Variants in SGCZ observed in about 807,000 individuals in gnomAD.
The protein encoded by SGCZ is zeta-sarcoglycan.
A neutral mutation model predicts 41.3 loss-of-function variants in SGCZ; 40 were observed. The ratio of observed to expected loss-of-function variants is 0.97; its 90% CI spans 0.75 to 1.26. The LOEUF (loss-of-function observed/expected upper bound fraction) is 1.26, where lower values mean the gene tolerates loss of function less well. SGCZ is among the 50% of genes most tolerant of loss of function. The pLI is 0.00. For synonymous variants in SGCZ, 206 were observed against 137.5 expected (o/e 1.50, Z -3.49); for missense variants, 552 against 369.8 (o/e 1.49, Z -4.04).
intron 5 of SGCZ, among the ~76,000 whole-genome samples, chr8:14,160,016 T>C (rs114624549): frequency 0.018 from 2,693 of 152,252 alleles, 80 homozygotes; most frequent in African/African-American, 0.061. Context: ...AAAGGACTGA[T>C]AGTCTTGGCT....
At chr8:14,179,274 T>C (rs976475607) in intron 4 of SGCZ, among the ~76,000 whole-genome samples, 3 of 152,230 alleles carry the variant, frequency 2.0e-5, no homozygotes, top group African/African-American at 4.8e-5. Context: ...TGGTGCCCCC[T>C]GTACATGCAG....
At chr8:15,026,885 G>C (rs146688396) in intron 1 of SGCZ, among the ~76,000 whole-genome samples, 1 of 152,134 alleles carries the variant, frequency 6.6e-6, no homozygotes, top group Admixed American at 6.5e-5. Flanking sequence ...ATATTGAAGC[G>C]CTAACAGCAT....
rs894854938 is a variant in SGCZ, at chr8:14,237,776, A to T, written c.337-97T>A. 5.2e-6 allele frequency: 6 copies of T among 1,152,610 alleles called. No individual in the cohort carries two copies. The African/African-American group carries it at 9.4e-5, about 18-fold the overall frequency. The allele number at this position is 1,152,610 out of a possible 1,614,324, so 71.4% of individuals were successfully genotyped here. ...TTTGTTTGGATATTCTGAAAAATTT[A>T]ATTTGTTTGCTCTATATTAGACAGT... On this transcript the variant is annotated intron_variant, in intron 3 of 7. Transcript: ENST00000382080.
intron 1 of SGCZ, among the ~76,000 whole-genome samples, chr8:14,690,940 A>C (rs2117569835): frequency 6.6e-6 from 1 of 152,332 alleles, no homozygotes; most frequent in Admixed American, 6.5e-5. Flanking sequence ...CACTTACAGT[A>C]TTTCAGATTA....
intron 1 of SGCZ, among the ~76,000 whole-genome samples, chr8:14,887,112 T>C (rs1488472091): frequency 1.3e-5 from 2 of 152,168 alleles, no homozygotes; most frequent in African/African-American, 2.4e-5. Flanking sequence ...CACATCCTTA[T>C]GTTGGATATC....
intron 1 of SGCZ, among the ~76,000 whole-genome samples, chr8:14,952,473 C>T (rs1800671426): frequency 6.6e-6 from 1 of 152,096 alleles, no homozygotes; most frequent in African/African-American, 2.4e-5. Context: ...TAAAGTTTAG[C>T]TCTAGGTCCA....
chr8:14,975,709 A>G (rs1183544404), intron 1 of SGCZ, among the ~76,000 whole-genome samples: 1 of 151,806 alleles, frequency 6.6e-6, no homozygotes, highest in African/African-American at 2.4e-5. Flanking sequence ...TGATGATAAA[A>G]TGCTGTGTTT....
intron 4 of SGCZ, among the ~76,000 whole-genome samples, chr8:14,219,856 C>G (rs1458410746): frequency 1.3e-5 from 2 of 151,868 alleles, no homozygotes; most frequent in Non-Finnish European, 2.9e-5. Flanking sequence ...TCGAAAATTT[C>G]TTGTAGGGAA....
intron 1 of SGCZ, among the ~76,000 whole-genome samples, chr8:14,745,072 C>T (rs750963824): frequency 6.6e-6 from 1 of 152,154 alleles, no homozygotes; most frequent in South Asian, 2.1e-4. Context: ...ATTTCATCAA[C>T]AATTTTTCAT....
intron 6 of SGCZ, among the ~76,000 whole-genome samples, chr8:14,107,231 A>T (rs113015182): frequency 0.037 from 4,774 of 130,146 alleles, 266 homozygotes; most frequent in African/African-American, 0.13. Context: ...TAAAAATAAA[A>T]AAATAAATAA....
At chr8:15,065,415 A>ATTATT (rs1805095044) in intron 1 of SGCZ, among the ~76,000 whole-genome samples, 19 of 137,478 alleles carry the variant, frequency 1.4e-4, no homozygotes, top group African/African-American at 4.3e-4. Context: ...ATGGTATTGT[A>ATTATT]ATTATTATTA....
rs1427152403 is a variant in SGCZ at position 15,156,937 on chromosome 8, T to G, written c.39+80648A>C. Among the ~76,000 whole-genome samples, 4 of 136,630 alleles carry G rather than the reference T, an allele frequency of 2.9e-5. No homozygotes were observed. The Admixed American group carries it at 3.0e-4, about 10-fold the overall frequency. 89.6% of individuals were successfully genotyped at this position (136,630 alleles called of 152,430 possible). A position where few individuals can be genotyped will look rare whatever the true frequency, so the allele number is the denominator to read the frequency against. ...TCCGCCTGGGCAACAAGAGGGAAAC[T>G]CTGTCTCAAAAAAAAAAAAAAAGAA... On this transcript the variant is annotated intron_variant, in intron 1 of 7. Coordinates refer to ENST00000382080, the MANE Select transcript of SGCZ (RefSeq NM_139167.4).
chr8:14,639,931 T>C (rs543848101), intron 1 of SGCZ, among the ~76,000 whole-genome samples: 102 of 151,808 alleles, frequency 6.7e-4, no homozygotes, highest in South Asian at 4.8e-3. Context: ...CTTGATACTG[T>C]ATTAGAAATG....
At chr8:14,967,771 C>T (rs564919996) in intron 1 of SGCZ, among the ~76,000 whole-genome samples, 1 of 152,206 alleles carries the variant, frequency 6.6e-6, no homozygotes, top group East Asian at 1.9e-4. Flanking sequence ...TTTACTAGAA[C>T]AGCATTTGAA....
chr8:15,155,953 G>A (rs751652585), intron 1 of SGCZ, among the ~76,000 whole-genome samples: 4 of 151,038 alleles, frequency 2.6e-5, no homozygotes, highest in Non-Finnish European at 2.9e-5. Flanking sequence ...AGCTACTCGA[G>A]AGGCCGAAGC....
intron 1 of SGCZ, among the ~76,000 whole-genome samples, chr8:14,638,463 G>C (rs1035460149): frequency 4.0e-5 from 6 of 151,742 alleles, no homozygotes; most frequent in African/African-American, 1.5e-4. Flanking sequence ...ATTTCTTTAA[G>C]TCTGAATTTA....
At chr8:15,061,391 G>T (rs1171864616) in intron 1 of SGCZ, among the ~76,000 whole-genome samples, 1 of 151,868 alleles carries the variant, frequency 6.6e-6, no homozygotes, top group Non-Finnish European at 1.5e-5. Context: ...TGGGGGTGCG[G>T]GGCTAAGGAA....
chr8:14,149,187 G>A (rs1236600353), intron 5 of SGCZ, among the ~76,000 whole-genome samples: 1 of 152,032 alleles, frequency 6.6e-6, no homozygotes, highest in Non-Finnish European at 1.5e-5. Context: ...ACTAGCTAGA[G>A]CCATCAGACC....
At chr8:14,550,731 C>A (rs1803778266) in intron 2 of SGCZ, among the ~76,000 whole-genome samples, 1 of 151,974 alleles carries the variant, frequency 6.6e-6, no homozygotes, top group Non-Finnish European at 1.5e-5. Flanking sequence ...ATCAATTCTT[C>A]CCAACTCAAG....
Sources: gnomAD v4.1 joint callset for allele counts (sites outside exome capture counted in the v4.1 genomes callset) on GRCh38, gnomAD v4.1.1 for gene constraint, MANE v1.5 for transcripts, NCBI Gene and HGNC (gene_info 2026-07-23, HGNC 2026-07-21) for gene names.